ZNF280D: variants seen among roughly 807,000 people sequenced by gnomAD.
ZNF280D encodes zinc finger protein 280D, also known as suppressor of hairy wing homolog 4.
A neutral mutation model predicts 94.7 loss-of-function variants in ZNF280D; 39 were observed. That is an observed-to-expected ratio of 0.41 (90% CI 0.32 to 0.54). The LOEUF is 0.54. Ranked by LOEUF, ZNF280D falls within the 20% of genes least tolerant of loss-of-function variation. The pLI is 0.22. For missense variants in ZNF280D, 1,090 were observed against 1,149.3 expected (o/e 0.95, Z 0.75); for synonymous variants, 398 against 377.6 (o/e 1.05, Z -0.63).
rs576001867 is a variant in ZNF280D, at chr15:56,728,927, C to CCAAG, written c.-86+4527_-86+4530dup. On this transcript the variant is annotated intron_variant, in intron 1 of 21. Transcript: ENST00000267807. Reference sequence around the variant, plus strand: ...CTGTGCATATTTGAGGTAGGCTAAGCCAAGCTACGATGTTCAGTATGTTAG... The same window carrying CCAAG: ...CTGTGCATATTTGAGGTAGGCTAAGCCAAGCAAGCTACGATGTTCAGTATGTTAG... Among the ~76,000 whole-genome samples the CCAAG allele has an allele frequency of 2.0e-5, 3 of 152,258 alleles. No homozygotes were observed. In the South Asian group the frequency reaches 6.2e-4, roughly 32 times the overall value.
At chr15:56,640,722 T>G (rs547029798) in intron 20 of ZNF280D, among the ~76,000 whole-genome samples, 1 of 152,176 alleles carries the variant, frequency 6.6e-6, no homozygotes, top group African/African-American at 2.4e-5. Flanking sequence ...AAGCTTCATT[T>G]GCAGGATTCC....
At chr15:56,700,185 T>G in intron 6 of ZNF280D, 1 of 979,096 alleles carries the variant, frequency 1.0e-6, no homozygotes, top group Non-Finnish European at 1.2e-6. Context: ...AGTGTACATT[T>G]ATACACAACA....
At chr15:56,715,027 G>A (rs1285334499) in intron 1 of ZNF280D, among the ~76,000 whole-genome samples, 1 of 152,066 alleles carries the variant, frequency 6.6e-6, no homozygotes, top group African/African-American at 2.4e-5. Context: ...AAGTGGTACA[G>A]CAGAGGTTCT....
chr15:56,653,421 T>C (rs1566937993), intron 19 of ZNF280D: 2 of 1,402,762 alleles, frequency 1.4e-6, no homozygotes, highest in African/African-American at 1.5e-5. Context: ...GCCAGCCATG[T>C]AGAAAGGGAG....
intron 1 of ZNF280D, among the ~76,000 whole-genome samples, chr15:56,714,899 CT>C (rs1182271792): frequency 1.3e-5 from 2 of 152,044 alleles, no homozygotes; most frequent in Admixed American, 1.3e-4. Context: ...AATCTCAACA[CT>C]TTTTTCATAG....
At chr15:56,653,797 A>C in intron 19 of ZNF280D, 1 of 1,268,452 alleles carries the variant, frequency 7.9e-7, no homozygotes, top group Non-Finnish European at 9.9e-7. Flanking sequence ...CAAAGAAAAG[A>C]CCATAGCAAC....
At chr15:56,698,011 T>C (rs2056851543) in intron 6 of ZNF280D, 1 of 152,214 alleles carries the variant, frequency 6.6e-6, no homozygotes, top group African/African-American at 2.4e-5. Context: ...CACAGGAATA[T>C]ATAACTGGAA....
intron 6 of ZNF280D, chr15:56,700,278 G>C (rs1305577484): frequency 3.1e-6 from 2 of 651,784 alleles, no homozygotes; most frequent in African/African-American, 3.9e-5. Flanking sequence ...GCCAGCTTTG[G>C]GATCTTGAAT....
chr15:56,660,084 T>G (rs925867757), intron 16 of ZNF280D, among the ~76,000 whole-genome samples: 25 of 152,136 alleles, frequency 1.6e-4, no homozygotes, highest in Middle Eastern at 3.4e-3. Context: ...TTTAAGATGG[T>G]ATCACAAAAA....
chr15:56,688,045 C>T (rs1471052150), intron 9 of ZNF280D, among the ~76,000 whole-genome samples: 2 of 152,064 alleles, frequency 1.3e-5, no homozygotes, highest in African/African-American at 4.8e-5. Flanking sequence ...GATCTCTTTT[C>T]TCCCTTCCTG....
intron 1 of ZNF280D, 120 bp from the exon 2 acceptor site, chr15:56,707,426 T>C: frequency 1.4e-6 from 1 of 738,730 alleles, no homozygotes; most frequent in Non-Finnish European, 1.9e-6. Flanking sequence ...ACACATATAG[T>C]TCATTTTACA....
chr15:56,709,293 C>T (rs795031), intron 1 of ZNF280D, among the ~76,000 whole-genome samples: 150,548 of 151,864 alleles, frequency 0.99, 74,641 homozygotes, highest in Middle Eastern at 1. Flanking sequence ...GAAATGCAAG[C>T]GAAAACCACA....
intron 1 of ZNF280D, among the ~76,000 whole-genome samples, chr15:56,717,042 A>G (rs1480619826): frequency 6.6e-6 from 1 of 152,104 alleles, no homozygotes; most frequent in Non-Finnish European, 1.5e-5. Context: ...AGGCCCAGCT[A>G]TGATTGGAGT....
chr15:56,639,053 G>T (rs1488232269), intron 20 of ZNF280D, among the ~76,000 whole-genome samples: 1 of 151,690 alleles, frequency 6.6e-6, no homozygotes, highest in Admixed American at 6.6e-5. Flanking sequence ...AAAGAAAAAA[G>T]TATATATACA....
intron 19 of ZNF280D, among the ~76,000 whole-genome samples, chr15:56,645,911 C>T (rs1166606737): frequency 3.9e-5 from 6 of 152,098 alleles, no homozygotes; most frequent in Admixed American, 3.9e-4. Context: ...GTTTCATTCA[C>T]ACTATAAACA....
chr15:56,683,557 T>C (rs568557861), intron 9 of ZNF280D, among the ~76,000 whole-genome samples: 4 of 152,342 alleles, frequency 2.6e-5, no homozygotes, highest in African/African-American at 4.8e-5. Flanking sequence ...TGCCATATAC[T>C]ATAGTTTGAC....
In ZNF280D at chr15:56,689,287, A is replaced by G; in HGVS notation, c.670+13T>C. 2 of 1,590,018 alleles carry G rather than the reference A, an allele frequency of 1.3e-6. No individual in the cohort carries two copies. Among genetic ancestry groups the G allele is most frequent in the South Asian group, 2.3e-5 (2 of 85,124 alleles). ...ACTATAACTTCTTTTTATGTACCAC[A>G]TTTCATATTTACCTTTTGCTAGCAT... On this transcript the variant is annotated intron_variant, in intron 8 of 21. Transcript: ENST00000267807.
intron 1 of ZNF280D, among the ~76,000 whole-genome samples, chr15:56,732,366 A>C (rs775273342): frequency 5.9e-5 from 9 of 152,236 alleles, no homozygotes; most frequent in Non-Finnish European, 1.3e-4. Context: ...AAAACATCAG[A>C]GGCACACAGC....
At chr15:56,683,894 G>A (rs181115690) in intron 9 of ZNF280D, among the ~76,000 whole-genome samples, 16 of 152,254 alleles carry the variant, frequency 1.1e-4, no homozygotes, top group African/African-American at 3.9e-4. Flanking sequence ...TCGGGCAGAT[G>A]GCATTTAGCT....
Sources: allele counts gnomAD v4.1 joint callset (sites outside exome capture counted in the v4.1 genomes callset), GRCh38; gene constraint gnomAD v4.1.1; transcripts MANE v1.5; gene names NCBI Gene and HGNC (gene_info 2026-07-23, HGNC 2026-07-21).